The following DCC variants were observed in gnomAD, a reference collection of about 807,000 sequenced individuals.
DCC encodes the protein DCC netrin 1 receptor, also known as netrin receptor DCC.
In DCC, 58 loss-of-function variants were observed where a neutral mutation model predicts 172.5. That is an observed-to-expected ratio of 0.34 (90% CI 0.27 to 0.42). DCC has a LOEUF of 0.42. Among genes scored for constraint, DCC ranks in the 10% least tolerant of loss-of-function variants. The pLI, the probability that DCC is intolerant of heterozygous loss-of-function variation, is 1.00. For missense variants in DCC, 1,740 were observed against 1,791.0 expected, an observed-to-expected ratio of 0.97 and a Z score of 0.51; for synonymous variants, 709 against 644.5, an observed-to-expected ratio of 1.10 and a Z score of -1.52.
chr18:52,727,127 A>C (rs1325585922), intron 1 of DCC, among the ~76,000 whole-genome samples: 1 of 152,218 alleles, frequency 6.6e-6, no homozygotes, highest in East Asian at 1.9e-4. Context: ...GATATATCAC[A>C]GTCAATAGAA....
intron 1 of DCC, among the ~76,000 whole-genome samples, chr18:52,497,430 T>TGTGTATATATGTATAC (rs2030843537): frequency 1.5e-4 from 23 of 150,516 alleles, no homozygotes; most frequent in East Asian, 5.9e-4. Flanking sequence ...CATATACACA[T>TGTGTATATATGTATAC]ACATATAAAG....
In DCC at chr18:53,366,902, A is replaced by T. The variant is rs73467255; in HGVS notation, c.2360-19141A>T. Among the ~76,000 whole-genome samples, 318 of 152,292 alleles carry T rather than the reference A, an allele frequency of 2.1e-3. 3 individuals carry two copies. Among genetic ancestry groups the T allele is most frequent in the African/African-American group, 7.3e-3 (305 of 41,572 alleles). ...TATTGCAAGCTGGGAGATGACAAGG[A>T]CTTACACCCAGAGATGGAAGCCACA... On this transcript the variant is annotated intron_variant, in intron 15 of 28. Transcript: ENST00000442544.
chr18:53,171,634 A>C (rs146174127), intron 8 of DCC, among the ~76,000 whole-genome samples: 68 of 152,262 alleles, frequency 4.5e-4, no homozygotes, highest in African/African-American at 1.5e-3. Flanking sequence ...TGATATTTTC[A>C]TTTCATGATC....
At chr18:53,431,282 T>C (rs1033893234) in intron 21 of DCC, among the ~76,000 whole-genome samples, 5 of 151,800 alleles carry the variant, frequency 3.3e-5, no homozygotes, top group Admixed American at 6.6e-5. Flanking sequence ...CAGAAGCTTT[T>C]TTTTTTTTTA....
At chr18:52,766,000 C>T (rs772408130) in intron 2 of DCC, among the ~76,000 whole-genome samples, 7 of 152,200 alleles carry the variant, frequency 4.6e-5, no homozygotes, top group African/African-American at 7.2e-5. Flanking sequence ...TCACTGGACT[C>T]GCAACAGGGG....
rs1236270297 is a variant in DCC, at chr18:52,741,603, A to C, written c.92-10451A>C. Among the ~76,000 whole-genome samples the C allele has an allele frequency of 3.9e-5, 6 of 152,314 alleles. No homozygotes were observed. The South Asian group carries it at 8.3e-4, about 21-fold the overall frequency. On this transcript the variant is annotated intron_variant, in intron 1 of 28. Transcript: ENST00000442544. The stretch of plus-strand genomic sequence containing the variant: ...CCATTGACAACTACTACTTTAAAAC[A>C]TAAATTGGACCTTTTTGCTCTCCTT...
intron 2 of DCC, among the ~76,000 whole-genome samples, chr18:52,795,246 A>T (rs117922122): frequency 6.6e-6 from 1 of 152,058 alleles, no homozygotes; most frequent in South Asian, 2.1e-4. Flanking sequence ...AATTAAAGCC[A>T]TTCAGTCCTG....
At chr18:52,555,426 G>T (rs182652812) in intron 1 of DCC, among the ~76,000 whole-genome samples, 1 of 152,172 alleles carries the variant, frequency 6.6e-6, no homozygotes, top group African/African-American at 2.4e-5. Flanking sequence ...GTCAGTCGAT[G>T]TTTCCTAATT....
At chr18:52,702,000 G>C (rs1390358265) in intron 1 of DCC, among the ~76,000 whole-genome samples, 1 of 152,124 alleles carries the variant, frequency 6.6e-6, no homozygotes, top group Non-Finnish European at 1.5e-5. Flanking sequence ...TGCATCTCTT[G>C]TGAATCACAT....
intron 13 of DCC, among the ~76,000 whole-genome samples, chr18:53,312,967 G>A (rs2057295457): frequency 7.4e-6 from 1 of 134,780 alleles, no homozygotes; most frequent in African/African-American, 2.9e-5. Context: ...AGGAGGGAGT[G>A]GGGAGAGGAA....
chr18:52,633,147 T>C (rs977112880), intron 1 of DCC, among the ~76,000 whole-genome samples: 2 of 152,064 alleles, frequency 1.3e-5, no homozygotes, highest in African/African-American at 4.8e-5. Flanking sequence ...TGTCCTGTCC[T>C]GTCCTGTCCT....
intron 15 of DCC, among the ~76,000 whole-genome samples, chr18:53,371,318 C>A (rs912588022): frequency 2.6e-5 from 4 of 151,962 alleles, no homozygotes; most frequent in Non-Finnish European, 4.4e-5. Flanking sequence ...TAAAGTTATT[C>A]TAGGGCTAGT....
intron 2 of DCC, among the ~76,000 whole-genome samples, chr18:52,803,710 C>A (rs556946991): frequency 6.6e-6 from 1 of 152,278 alleles, no homozygotes; most frequent in East Asian, 1.9e-4. Flanking sequence ...TGGAGCCTCA[C>A]AATTCACACC....
rs115777980 is a variant in DCC at position 52,886,068 on chromosome 18, C to A, written c.413-19976C>A. 2.1e-3 allele frequency among the ~76,000 whole-genome samples: 316 copies of A among 151,886 alleles called. 1 individual carries two copies. The highest frequency in any genetic ancestry group is 7.2e-3 in the African/African-American group (300 of 41,424). On this transcript the variant is annotated intron_variant, in intron 2 of 28. Transcript: ENST00000442544. ...TCTTTCCTCTTCTCTCTCCTCACCT[C>A]AAGCAGAAGGAAGGAGTCATTTTTG...
chr18:52,421,299 G>A (rs1987239649), intron 1 of DCC, among the ~76,000 whole-genome samples: 1 of 152,124 alleles, frequency 6.6e-6, no homozygotes, highest in Non-Finnish European at 1.5e-5. Context: ...AAGATATGAA[G>A]GGCTGATGGT....
chr18:53,255,899 A>G (rs376732264), intron 12 of DCC, among the ~76,000 whole-genome samples: 329 of 152,028 alleles, frequency 2.2e-3, no homozygotes, highest in African/African-American at 7.2e-3. Context: ...TTTAATGATC[A>G]CCATTCTAAC....
intron 1 of DCC, among the ~76,000 whole-genome samples, chr18:52,744,896 CCCAAA>C (rs2036883695): frequency 5.3e-5 from 8 of 152,240 alleles, no homozygotes; most frequent in African/African-American, 1.9e-4. Context: ...ACTGGATGAA[CCCAAA>C]CTTCTTTTGG....
chr18:53,484,606 T>C (rs2045879485), intron 25 of DCC, among the ~76,000 whole-genome samples: 1 of 152,098 alleles, frequency 6.6e-6, no homozygotes, highest in South Asian at 2.1e-4. Context: ...TTAATTTTTC[T>C]GTATGGTGTG....
chr18:52,917,915 A>G (rs555030201), intron 3 of DCC, among the ~76,000 whole-genome samples: 2 of 152,340 alleles, frequency 1.3e-5, no homozygotes, highest in South Asian at 2.1e-4. Context: ...ATTTACGTTC[A>G]TGAGCATCAC....
Sources: gnomAD v4.1 joint callset for allele counts (sites outside exome capture counted in the v4.1 genomes callset) on GRCh38, gnomAD v4.1.1 for gene constraint, MANE v1.5 for transcripts, NCBI Gene and HGNC (gene_info 2026-07-23, HGNC 2026-07-21) for gene names.